ATP8B2: variants seen among roughly 807,000 people sequenced by gnomAD.
The protein encoded by ATP8B2 is ATPase phospholipid transporting 8B2, also known as phospholipid-transporting ATPase ID.
ATP8B2 carries 70 observed loss-of-function variants against 133.4 expected under a neutral mutation model. That is an observed-to-expected ratio of 0.52 (90% CI 0.43 to 0.64). The LOEUF (loss-of-function observed/expected upper bound fraction) is 0.64, where lower values mean the gene tolerates loss of function less well. Among genes scored for constraint, ATP8B2 ranks in the 30% least tolerant of loss-of-function variants. The pLI is 0.00. For missense variants in ATP8B2, 1,101 were observed against 1,535.7 expected, an observed-to-expected ratio of 0.72 and a Z score of 4.73; for synonymous variants, 517 against 589.5, an observed-to-expected ratio of 0.88 and a Z score of 1.78.
At position 154,342,856 on chromosome 1, in the gene ATP8B2, G is replaced by C; in HGVS notation, c.1348G>C (p.Asp450His). The C allele has an allele frequency of 3.7e-6, 6 of 1,614,122 alleles. No homozygotes were observed. The highest frequency in any genetic ancestry group is 4.2e-6 in the Non-Finnish European group (5 of 1,180,014). ...GGCTGACAAGAAGTTCTTATTTTGGGACCCCAGCCTGCTGGAGGCTGTCAA... is the reference window on the plus strand; with the variant it reads ...GGCTGACAAGAAGTTCTTATTTTGGCACCCCAGCCTGCTGGAGGCTGTCAA... ...PLADKKFLFW[D>H]PSLLEAVKIG... The change falls in exon 15 of 28, where the codon GAC becomes CAC. Residue 450 changes from aspartate (D) to histidine (H), a missense_variant. Asp to His is a moderately conservative substitution (Grantham distance 81). Coordinates refer to ENST00000368489, the MANE Select transcript of ATP8B2 (RefSeq NM_001370597.1).
At chr1:154,347,520 G>A (rs577219734) in intron 26 of ATP8B2, among the ~76,000 whole-genome samples, 225 of 152,288 alleles carry the variant, frequency 1.5e-3, no homozygotes, top group African/African-American at 5.1e-3. Context: ...TTACAGTTTC[G>A]TGGATAATAA....
chr1:154,343,210 A>T lies in ATP8B2; in HGVS notation c.1551A>T (p.Thr517=), dbSNP rs749190944. Residue 517 remains threonine, a synonymous_variant, in exon 16 of 28, where the codon ACA becomes ACT. Transcript: ENST00000368489. The surrounding 1 kb of genome is among the most constrained non-coding windows in gnomAD (Gnocchi z 5.8). ...GFVFRSRTPK[T]ITVHEMGTAI... ...TTTTCCGCTCTCGCACCCCCAAAACAATCACCGTCCATGAGATGGGCACAG... is the reference window on the plus strand; with the variant it reads ...TTTTCCGCTCTCGCACCCCCAAAACTATCACCGTCCATGAGATGGGCACAG... The T allele has an allele frequency of 1.9e-6, 3 of 1,614,108 alleles. No homozygotes were observed. The highest frequency in any genetic ancestry group is 2.2e-5 in the South Asian group (2 of 91,084).
At position 154,331,176 on chromosome 1, in the gene ATP8B2, C is replaced by T. The variant is rs760786902; in HGVS notation, c.303+30C>T. ...GTGGTTTTCATTCTTCTATTTTGTC[C>T]CAGTCACCCACCCCTACTCCCAGCC... On this transcript the variant is annotated intron_variant, in intron 5 of 27. Coordinates refer to ENST00000368489, the MANE Select transcript of ATP8B2 (RefSeq NM_001370597.1). The surrounding 1 kb of genome is among the most constrained non-coding windows in gnomAD (Gnocchi z 4.8). 2.5e-6 allele frequency: 4 copies of T among 1,589,824 alleles called. No individual in the cohort carries two copies. Among genetic ancestry groups the T allele is most frequent in the African/African-American group, 2.7e-5 (2 of 74,424 alleles).
rs1686580500 is a variant in ATP8B2, at chr1:154,346,288, A to T, written c.2836A>T (p.Asn946Tyr). ...TAAGCTGTATGAGCCGGGCCAGCTG[A>T]ACCTTCTCTTCAACAAGCGGGAGTT... is the stretch of plus-strand genomic sequence containing the variant. ...YPKLYEPGQLNLLFNKREFFI... is the reference protein window; with the variant it reads ...YPKLYEPGQLYLLFNKREFFI... Residue 946 changes from asparagine (N) to tyrosine (Y), a missense_variant, in exon 25 of 28, where the codon AAC becomes TAC. Transcript: ENST00000368489. This position sits in a 1 kb window ranked among gnomAD's most constrained non-coding sequence, Gnocchi z 4.5. The T allele has an allele frequency of 1.2e-6, 2 of 1,614,132 alleles. No homozygotes were observed. The highest frequency in any genetic ancestry group is 1.7e-6 in the Non-Finnish European group (2 of 1,180,028).
At chr1:154,327,842 C>G (rs1162651759) in intron 1 of ATP8B2, 1 of 1,613,774 alleles carries the variant, frequency 6.2e-7, no homozygotes, top group Non-Finnish European at 8.5e-7. Flanking sequence ...AATATCTGGC[C>G]TCTTCTCCTT....
intron 14 of ATP8B2, 110 bp from the exon 15 acceptor site, chr1:154,342,686 G>A (rs1686427260): frequency 6.8e-7 from 1 of 1,473,030 alleles, no homozygotes; most frequent in Non-Finnish European, 9.4e-7. Flanking sequence ...AAATTTTGAG[G>A]TCCACCGTGG....
rs372323561 is a variant in ATP8B2 at position 154,337,725 on chromosome 1, T to C, written c.1034+181T>C. The C allele has an allele frequency of 3.1e-5, 48 of 1,544,142 alleles. 1 individual carries two copies. In the African/African-American group the frequency reaches 6.7e-4, roughly 21 times the overall value. On this transcript the variant is annotated intron_variant, in intron 12 of 27. Transcript: ENST00000368489. The stretch of plus-strand genomic sequence containing the variant: ...GAGCAAACTTTTTACCACAGTTTCC[T>C]GGTACTTGGGACTGTATTAGAGAAA...
rs1239332144 is a variant in ATP8B2 at position 154,328,961 on chromosome 1, C to A, written c.31+789C>A. The A allele has an allele frequency of 7.7e-7, 1 of 1,304,008 alleles. No individual in the cohort carries two copies. The highest frequency in any genetic ancestry group is 2.2e-4 in the Middle Eastern group (1 of 4,630). 80.8% of individuals were successfully genotyped at this position (1,304,008 alleles called of 1,614,324 possible). On this transcript the variant is annotated intron_variant, in intron 2 of 27. Transcript: ENST00000368489. This position sits in a 1 kb window ranked among gnomAD's most constrained non-coding sequence, Gnocchi z 4.6. Reference sequence around the variant, plus strand: ...CTAAGGCCAAGGACATATAGACGGTCTGCCCTCCCCCACTCAAACCGGGAT... The same window carrying A: ...CTAAGGCCAAGGACATATAGACGGTATGCCCTCCCCCACTCAAACCGGGAT...
At position 154,334,622 on chromosome 1, in the gene ATP8B2, CT is replaced by C. The variant is rs1345992444; in HGVS notation, c.837+32del. The C allele has an allele frequency of 3.2e-6, 5 of 1,573,220 alleles. No homozygotes were observed. The highest frequency in any genetic ancestry group is 1.7e-5 in the Admixed American group (1 of 59,694). On this transcript the variant is annotated intron_variant, in intron 11 of 27. Coordinates refer to ENST00000368489, the MANE Select transcript of ATP8B2 (RefSeq NM_001370597.1). The surrounding 1 kb of genome is among the most constrained non-coding windows in gnomAD (Gnocchi z 4.6). ...GCGCCCCACATCTGGCTCCCTGCCC[CT>C]GCCCTCTCTTCTCCTTGGGTGCTCC...
rs974721166 is a variant in ATP8B2, at chr1:154,331,855, C to G, written c.439-99C>G. On this transcript the variant is annotated intron_variant, in intron 7 of 27. Transcript: ENST00000368489. This position sits in a 1 kb window ranked among gnomAD's most constrained non-coding sequence, Gnocchi z 4.8. The stretch of plus-strand genomic sequence containing the variant: ...GAACTAGCCATTTATGCACCTGGAA[C>G]TAAGCAAACCAAGAATGCTTAGTGG... 7.2e-7 allele frequency: 1 copy of G among 1,386,522 alleles called. No individual in the cohort carries two copies. The highest frequency in any genetic ancestry group is 1.0e-6 in the Non-Finnish European group (1 of 976,702). The allele number at this position is 1,386,522 out of a possible 1,614,324, so 85.9% of individuals were successfully genotyped here.
intron 11 of ATP8B2, among the ~76,000 whole-genome samples, chr1:154,336,848 G>A (rs1686202478): frequency 6.8e-6 from 1 of 147,062 alleles, no homozygotes; most frequent in African/African-American, 2.5e-5. Context: ...AGGCTGGGAT[G>A]CAGTGGCATG....
Position 154,346,667 on chromosome 1 carries a change from C to T in ATP8B2, c.3072C>T (p.Ile1024=). ...GYWTAINHFF[I]WGSLAVYFAI... is the part of the protein sequence containing the mutation. ...GGACGGCCATCAACCACTTCTTCAT[C>T]TGGGGAAGCCTTGCTGTTTACTTTG... Residue 1024 remains isoleucine, a synonymous_variant, in exon 26 of 28, where the codon ATC becomes ATT. Transcript: ENST00000368489. The surrounding 1 kb of genome is among the most constrained non-coding windows in gnomAD (Gnocchi z 4.5). 1 of 1,614,238 alleles carries T rather than the reference C, an allele frequency of 6.2e-7. No homozygotes were observed. The highest frequency in any genetic ancestry group is 1.1e-5 in the South Asian group (1 of 91,086).
intron 11 of ATP8B2, among the ~76,000 whole-genome samples, chr1:154,336,465 C>A (rs79360607): frequency 1.4e-5 from 2 of 146,920 alleles, no homozygotes; most frequent in African/African-American, 2.5e-5. Context: ...AAAAAAATTG[C>A]AAAAAAAAAT....
rs572744678 is a variant in ATP8B2 at position 154,346,200 on chromosome 1, G to T, written c.2779-31G>T. The T allele has an allele frequency of 1.6e-5, 25 of 1,604,392 alleles. No individual in the cohort carries two copies. In the Middle Eastern group the frequency reaches 6.2e-4, roughly 40 times the overall value. On this transcript the variant is annotated intron_variant, in intron 24 of 27. Coordinates refer to ENST00000368489, the MANE Select transcript of ATP8B2 (RefSeq NM_001370597.1). This position sits in a 1 kb window ranked among gnomAD's most constrained non-coding sequence, Gnocchi z 4.5. Reference sequence around the variant, plus strand: ...CAGGGTCAAAACGGCAACCTCTGAGGCCCCCTATGCTACATGGTCCTCCCA... The same window carrying T: ...CAGGGTCAAAACGGCAACCTCTGAGTCCCCCTATGCTACATGGTCCTCCCA...
chr1:154,332,638 G>A lies in ATP8B2; in HGVS notation c.530G>A (p.Arg177His), dbSNP rs981632475. The A allele has an allele frequency of 9.4e-6, 15 of 1,590,072 alleles. No individual in the cohort carries two copies. Among genetic ancestry groups the A allele is most frequent in the East Asian group, 4.5e-5 (2 of 44,074 alleles). The change falls in exon 9 of 28, where the codon CGT becomes CAT. Residue 177 changes from arginine (R) to histidine (H), a missense_variant. Transcript: ENST00000368489. Reference sequence around the variant, plus strand: ...TCCAGCGAGACCAACATGAAAGTACGTCAGGCGATTCCAGTCACCTCAGAA... The same window carrying A: ...TCCAGCGAGACCAACATGAAAGTACATCAGGCGATTCCAGTCACCTCAGAA... ...ELDGETNMKV[R>H]QAIPVTSELG...
rs1037745120 is a variant in ATP8B2 at position 154,331,196 on chromosome 1, C to G, written c.303+50C>G. Reference sequence around the variant, plus strand: ...TTGTCCCAGTCACCCACCCCTACTCCCAGCCCCACCCCCATCTCATGGCCA... The same window carrying G: ...TTGTCCCAGTCACCCACCCCTACTCGCAGCCCCACCCCCATCTCATGGCCA... On this transcript the variant is annotated intron_variant, in intron 5 of 27. Transcript: ENST00000368489. The surrounding 1 kb of genome is among the most constrained non-coding windows in gnomAD (Gnocchi z 4.8). 1.3e-6 allele frequency: 2 copies of G among 1,513,600 alleles called. No homozygotes were observed. The highest frequency in any genetic ancestry group is 1.7e-4 in the Middle Eastern group (1 of 5,728). 93.8% of individuals were successfully genotyped at this position (1,513,600 alleles called of 1,614,324 possible). A position where few individuals can be genotyped will look rare whatever the true frequency, so the allele number is the denominator to read the frequency against.
At chr1:154,326,126 G>T (rs1382030087) in intron 1 of ATP8B2, among the ~76,000 whole-genome samples, 3 of 152,080 alleles carry the variant, frequency 2.0e-5, no homozygotes, top group Admixed American at 1.3e-4. Flanking sequence ...CAGTAAGGTG[G>T]AGGTCTATGC....
Position 154,344,485 on chromosome 1 carries a change from T to C in ATP8B2, c.2126T>C (p.Val709Ala). Residue 709 changes from valine (V) to alanine (A), a missense_variant, in exon 20 of 28, where the codon GTG (valine) becomes GCG (alanine). Physicochemically the swap from Val to Ala is moderately conservative, Grantham distance 64. Transcript: ENST00000368489. This position sits in a 1 kb window ranked among gnomAD's most constrained non-coding sequence, Gnocchi z 4.1. ...GTCACTGGCCATACTGTCCTGGAGG[T>C]GCGGGAGGAGCTCAGGTAAACAAGA... ...FIVTGHTVLE[V>A]REELRKAREK... The C allele has an allele frequency of 3.1e-6, 5 of 1,613,824 alleles. No individual in the cohort carries two copies. Among genetic ancestry groups the C allele is most frequent in the Non-Finnish European group, 4.2e-6 (5 of 1,179,946 alleles).
Position 154,346,090 on chromosome 1 carries a change from G to T in ATP8B2, c.2779-141G>T, listed in dbSNP as rs1686570843. On this transcript the variant is annotated intron_variant, in intron 24 of 27. Transcript: ENST00000368489. This position sits in a 1 kb window ranked among gnomAD's most constrained non-coding sequence, Gnocchi z 4.5. ...GTTGCTGAACTAAGTTAGTCTGGGG[G>T]TAGCTGGCTTGAGGTTGGTTCTAGC... 3 of 1,282,080 alleles carry T rather than the reference G, an allele frequency of 2.3e-6. No individual in the cohort carries two copies. The African/African-American group carries it at 4.5e-5, about 19-fold the overall frequency. The allele number at this position is 1,282,080 out of a possible 1,614,324, so 79.4% of individuals were successfully genotyped here. A position where few individuals can be genotyped will look rare whatever the true frequency, so the allele number is the denominator to read the frequency against.
Sources: gnomAD v4.1 joint callset for allele counts (sites outside exome capture counted in the v4.1 genomes callset) on GRCh38, gnomAD v4.1.1 for gene constraint, Gnocchi (gnomAD v3.1) non-coding constraint, MANE v1.5 for transcripts, NCBI Gene and HGNC (gene_info 2026-07-23, HGNC 2026-07-21) for gene names.